ERBIN: variants seen among roughly 807,000 people sequenced by gnomAD.
ERBIN encodes the protein erbb2 interacting protein, also known as densin-180-like protein.
Under a neutral mutation model 158.4 loss-of-function variants are expected in ERBIN, and 60 were observed. The observed-to-expected ratio is 0.38, with a 90% CI of 0.31 to 0.47. ERBIN has a LOEUF of 0.47. Ranked by LOEUF, ERBIN falls within the 20% of genes least tolerant of loss-of-function variation. ERBIN has a pLI of 0.99. For synonymous variants in ERBIN, 594 were observed against 557.2 expected (o/e 1.07, Z -0.93); for missense variants, 1,610 against 1,648.0 (o/e 0.98, Z 0.40).
At chr5:65,949,420 A>G (rs930896596) in intron 1 of ERBIN, among the ~76,000 whole-genome samples, 2 of 152,182 alleles carry the variant, frequency 1.3e-5, no homozygotes, top group Admixed American at 6.5e-5. Context: ...TAGCTAAAAA[A>G]CAAGCAAAAA....
At chr5:66,076,805 A>G (rs1357309570) in intron 24 of ERBIN, 70 bp from the exon 25 acceptor site, 22 of 1,125,734 alleles carry the variant, frequency 2.0e-5, no homozygotes, top group African/African-American at 3.1e-5. Context: ...TGTGGAGGAA[A>G]AATTGCTCCT....
At chr5:66,067,336 G>A (rs1761093926) in intron 21 of ERBIN, among the ~76,000 whole-genome samples, 1 of 152,182 alleles carries the variant, frequency 6.6e-6, no homozygotes, top group Non-Finnish European at 1.5e-5. Context: ...GAGAAGGAAT[G>A]TATTTGCTAA....
rs375103108 is a variant in ERBIN, at chr5:65,973,339, A to G, written c.-57-15296A>G. On this transcript the variant is annotated intron_variant, in intron 1 of 25. Transcript: ENST00000284037. ...AATGGGTGCAGCACACCAACATGGCACATGTATACGTATGTAACAAACTTG... is the reference window on the plus strand; with the variant it reads ...AATGGGTGCAGCACACCAACATGGCGCATGTATACGTATGTAACAAACTTG... Among the ~76,000 whole-genome samples, 7 of 151,244 alleles carry G rather than the reference A, an allele frequency of 4.6e-5. No individual in the cohort carries two copies. The East Asian group carries it at 1.2e-3, about 25-fold the overall frequency.
chr5:66,078,726 A>C lies in ERBIN; in HGVS notation c.*196A>C, dbSNP rs1762233465. ...TACAGAATATAAAGGAGACTGTTGA[A>C]TTCATACCATATAAAACTTGTTAGG... On this transcript the variant is annotated 3_prime_UTR_variant, in exon 26 of 26. Transcript: ENST00000284037. 2 of 535,942 alleles carry C rather than the reference A, an allele frequency of 3.7e-6. No individual in the cohort carries two copies. The allele number at this position is 535,942 out of a possible 1,614,324, so 33.2% of individuals were successfully genotyped here.
At chr5:65,977,883 A>ACGAGACTC (rs1750177403) in intron 1 of ERBIN, among the ~76,000 whole-genome samples, 1 of 151,662 alleles carries the variant, frequency 6.6e-6, no homozygotes, top group South Asian at 2.1e-4. Flanking sequence ...CACTGAGTGA[A>ACGAGACTC]CGAGACTCCG....
At chr5:65,968,475 A>G (rs935154064) in intron 1 of ERBIN, among the ~76,000 whole-genome samples, 8 of 152,216 alleles carry the variant, frequency 5.3e-5, no homozygotes, top group Admixed American at 5.2e-4. Context: ...CATCACTATC[A>G]AACTAGTTAC....
rs116461134 is a variant in ERBIN at position 65,945,537 on chromosome 5, G to C, written c.-58+18731G>C. Among the ~76,000 whole-genome samples, 1,390 of 152,268 alleles carry C rather than the reference G, an allele frequency of 9.1e-3. 20 individuals are homozygous for C. The highest frequency in any genetic ancestry group is 0.065 in the Middle Eastern group (19 of 294). ...TTGTTTTGGGTCCATGTTGCCTGCC[G>C]TATTTCAAACACTGCACCCTTTTCC... On this transcript the variant is annotated intron_variant, in intron 1 of 25. Coordinates refer to ENST00000284037, the MANE Select transcript of ERBIN (RefSeq NM_001253697.2).
At chr5:65,992,683 A>G in intron 2 of ERBIN, 27 bp from the exon 3 acceptor site, 1 of 1,523,316 alleles carries the variant, frequency 6.6e-7, no homozygotes, top group Non-Finnish European at 8.9e-7. Context: ...TGTATGTTTT[A>G]AATTTCTTTT....
chr5:66,040,129 C>T (rs1390874309), intron 15 of ERBIN, among the ~76,000 whole-genome samples: 8 of 151,774 alleles, frequency 5.3e-5, no homozygotes, highest in African/African-American at 1.4e-4. Context: ...TTTACGTATC[C>T]GTAACTTCTC....
intron 1 of ERBIN, among the ~76,000 whole-genome samples, chr5:65,986,654 T>G (rs1230049289): frequency 3.3e-5 from 5 of 152,226 alleles, no homozygotes; most frequent in African/African-American, 9.6e-5. Context: ...TTATTTTGTG[T>G]TTTAGGCTGT....
At chr5:66,040,858 GGA>G (rs1199339350) in intron 15 of ERBIN, among the ~76,000 whole-genome samples, 2 of 109,414 alleles carry the variant, frequency 1.8e-5, no homozygotes, top group Non-Finnish European at 4.8e-5. Context: ...AAAAAAAAGA[GGA>G]AAAAAAGAAA....
chr5:65,973,763 G>A (rs903529461), intron 1 of ERBIN, among the ~76,000 whole-genome samples: 2 of 151,374 alleles, frequency 1.3e-5, no homozygotes, highest in East Asian at 3.8e-4. Flanking sequence ...TGATTCAGTA[G>A]TAAAGTTGTA....
intron 1 of ERBIN, among the ~76,000 whole-genome samples, chr5:65,985,549 A>G (rs1309245784): frequency 6.6e-6 from 1 of 152,214 alleles, no homozygotes; most frequent in Non-Finnish European, 1.5e-5. Context: ...TTTCTTCCTC[A>G]TGAGCAGCTT....
At chr5:65,983,128 A>G (rs1750829653) in intron 1 of ERBIN, among the ~76,000 whole-genome samples, 1 of 152,246 alleles carries the variant, frequency 6.6e-6, no homozygotes, top group Non-Finnish European at 1.5e-5. Flanking sequence ...GCACAGTAAT[A>G]CATTTTTAGA....
At chr5:65,939,474 C>T (rs895443947) in intron 1 of ERBIN, among the ~76,000 whole-genome samples, 1 of 152,032 alleles carries the variant, frequency 6.6e-6, no homozygotes, top group Non-Finnish European at 1.5e-5. Flanking sequence ...CAGATCCAGC[C>T]CAGCATCTTC....
intron 1 of ERBIN, among the ~76,000 whole-genome samples, chr5:65,962,725 A>C (rs993346832): frequency 6.6e-6 from 1 of 152,198 alleles, no homozygotes; most frequent in Non-Finnish European, 1.5e-5. Flanking sequence ...TAATACTTGA[A>C]CTGGCAAAAT....
At chr5:65,973,089 G>C (rs924049906) in intron 1 of ERBIN, among the ~76,000 whole-genome samples, 1 of 150,816 alleles carries the variant, frequency 6.6e-6, no homozygotes, top group Non-Finnish European at 1.5e-5. Context: ...CATAAAAAAG[G>C]ATGAATTCAT....
rs138617538 is a variant in ERBIN, at chr5:66,054,923, G to T, written c.3605G>T (p.Arg1202Leu). ...CGTGACTGGAGAGAACAAGTACTTC[G>T]ACATATTGAAGCCAAAAAGTTAGAA... ...VPRDWREQVL[R>L]HIEAKKLEKK... Residue 1202 changes from arginine (R) to leucine (L), a missense_variant, in exon 21 of 26, where the codon CGA becomes CTA. This residue lies in a region of ERBIN where 1,014 missense variants were observed against 936.1 expected (regional missense o/e 1.08). Coordinates refer to ENST00000284037, the MANE Select transcript of ERBIN (RefSeq NM_001253697.2). 2 of 1,586,556 alleles carry T rather than the reference G, an allele frequency of 1.3e-6. No homozygotes were observed. The highest frequency in any genetic ancestry group is 1.7e-6 in the Non-Finnish European group (2 of 1,166,096).
intron 19 of ERBIN, among the ~76,000 whole-genome samples, chr5:66,050,223 A>ATTT (rs1758877152): frequency 4.1e-5 from 1 of 24,416 alleles, no homozygotes; most frequent in Non-Finnish European, 8.7e-5. Context: ...ACTAAATCGA[A>ATTT]TTCTTTTTTT....
Sources: gnomAD v4.1 joint callset for allele counts (sites outside exome capture counted in the v4.1 genomes callset) on GRCh38, gnomAD v4.1.1 for gene constraint, gnomAD v4.1.1 regional missense constraint, MANE v1.5 for transcripts, NCBI Gene and HGNC (gene_info 2026-07-23, HGNC 2026-07-21) for gene names.